Variants in TRPM2 observed in about 807,000 individuals in gnomAD.
TRPM2 encodes the protein transient receptor potential cation channel subfamily M member 2, also known as estrogen-responsive element-associated gene 1 protein.
Under a neutral mutation model 174.0 loss-of-function variants are expected in TRPM2, and 161 were observed. The ratio of observed to expected loss-of-function variants is 0.93; its 90% CI spans 0.81 to 1.05. The LOEUF (loss-of-function observed/expected upper bound fraction) is 1.05, where lower values mean the gene tolerates loss of function less well. TRPM2 is among the 50% of genes least tolerant of loss of function. The probability of loss-of-function intolerance (pLI) is 0.00; values close to 1 mark genes in which losing one functional copy is unlikely to be tolerated. For missense variants in TRPM2, 2,057 were observed against 2,038.0 expected, an observed-to-expected ratio of 1.01 and a Z score of -0.18; for synonymous variants, 954 against 861.3, an observed-to-expected ratio of 1.11 and a Z score of -1.88.
chr21:44,400,410 C>T lies in TRPM2; in HGVS notation c.2321+39C>T, dbSNP rs28612574. On this transcript the variant is annotated intron_variant, in intron 15 of 31. Transcript: ENST00000397928. ...GCGGGGCTGCGGGACTGTGGGGCTG[C>T]GGGGCTGCGGGAGAGGCTCCTGGGG... 85 of 1,550,738 alleles carry T rather than the reference C, an allele frequency of 5.5e-5. No homozygotes were observed. In the African/African-American group the frequency reaches 6.0e-4, roughly 11 times the overall value.
At chr21:44,394,380 C>T (rs919780541) in intron 11 of TRPM2, among the ~76,000 whole-genome samples, 19 of 135,272 alleles carry the variant, frequency 1.4e-4, no homozygotes, top group Admixed American at 7.4e-4. Context: ...AGTGTAGTGG[C>T]GCAATCTTGG....
At chr21:44,421,310 T>A (rs1357819526) in intron 22 of TRPM2, among the ~76,000 whole-genome samples, 1 of 150,122 alleles carries the variant, frequency 6.7e-6, no homozygotes, top group East Asian at 2.0e-4. Context: ...AGAGCAAGAC[T>A]CCACCTAAAA....
rs1189629495 is a variant in TRPM2, at chr21:44,366,249, G to A, written c.424-505G>A. Among the ~76,000 whole-genome samples, 3 of 150,388 alleles carry A rather than the reference G, an allele frequency of 2.0e-5. No homozygotes were observed. Among genetic ancestry groups the A allele is most frequent in the Non-Finnish European group, 2.9e-5 (2 of 67,838 alleles). On this transcript the variant is annotated intron_variant, in intron 3 of 31. Transcript: ENST00000397928. The surrounding 1 kb of genome is among the most constrained non-coding windows in gnomAD (Gnocchi z 6.0). ...GGCACAGGGGCCACAGAGCAGAGGG[G>A]ATAGGGCAGAGGGGACAGGAGAGGG...
chr21:44,379,137 G>A lies in TRPM2; in HGVS notation c.1155G>A (p.Val385=). 3 of 1,613,648 alleles carry A rather than the reference G, an allele frequency of 1.9e-6. No individual in the cohort carries two copies. Among genetic ancestry groups the A allele is most frequent in the Non-Finnish European group, 1.7e-6 (2 of 1,180,046 alleles). Residue 385 remains valine, a synonymous_variant, in exon 8 of 32, where the codon GTG becomes GTA. Coordinates refer to ENST00000397928, the MANE Select transcript of TRPM2 (RefSeq NM_003307.4). ...TISLIQQKLS[V]FFQEMFETFT... ...CCCTGATCCAGCAGAAACTGAGCGT[G>A]TTCTTCCAGGAGATGTTTGAGACCT...
At chr21:44,426,168 G>A (rs190378630) in intron 25 of TRPM2, among the ~76,000 whole-genome samples, 125 of 111,350 alleles carry the variant, frequency 1.1e-3, no homozygotes, top group African/African-American at 4.0e-3. Context: ...CACCCACCCC[G>A]GTGAATGGCT....
chr21:44,385,133 G>A (rs560110544), intron 9 of TRPM2, among the ~76,000 whole-genome samples: 1 of 152,276 alleles, frequency 6.6e-6, no homozygotes, highest in South Asian at 2.1e-4. Flanking sequence ...TTCAACATAT[G>A]AAAATTAATC....
At chr21:44,378,430 G>A (rs1427485000) in intron 7 of TRPM2, among the ~76,000 whole-genome samples, 1 of 152,194 alleles carries the variant, frequency 6.6e-6, no homozygotes, top group Admixed American at 6.5e-5. Context: ...AGAGCCTTGG[G>A]GGCTTGAGGC....
At chr21:44,419,972 G>A (rs1291562396) in intron 22 of TRPM2, among the ~76,000 whole-genome samples, 1 of 151,986 alleles carries the variant, frequency 6.6e-6, no homozygotes, top group Non-Finnish European at 1.5e-5. Flanking sequence ...GGTGGATGTG[G>A]TGGTGGTGAT....
intron 22 of TRPM2, among the ~76,000 whole-genome samples, chr21:44,422,677 C>G (rs910377722): frequency 7.9e-5 from 12 of 152,286 alleles, no homozygotes; most frequent in South Asian, 2.1e-4. Flanking sequence ...CGGGTTTGCC[C>G]ACAGAGTTAT....
rs1314720829 is a variant in TRPM2, at chr21:44,439,407, C to T, written c.4269+239C>T. On this transcript the variant is annotated intron_variant, in intron 30 of 31. Coordinates refer to ENST00000397928, the MANE Select transcript of TRPM2 (RefSeq NM_003307.4). The surrounding 1 kb of genome is among the most constrained non-coding windows in gnomAD (Gnocchi z 5.1). ...GCCCTCCCTCTCTGTTCCATTTTCT[C>T]CTCTCTAAATCAAGGGGGATGGGCT... Among the ~76,000 whole-genome samples, 4 of 152,166 alleles carry T rather than the reference C, an allele frequency of 2.6e-5. No individual in the cohort carries two copies. Among genetic ancestry groups the T allele is most frequent in the Non-Finnish European group, 4.4e-5 (3 of 68,024 alleles).
chr21:44,389,872 A>ATT (rs1569049550), intron 9 of TRPM2, among the ~76,000 whole-genome samples: 2 of 129,864 alleles, frequency 1.5e-5, no homozygotes, highest in African/African-American at 7.2e-5. Context: ...GGAGGCTTAA[A>ATT]ATTTTTTTTT....
chr21:44,431,708 C>T (rs1466720339), intron 27 of TRPM2, among the ~76,000 whole-genome samples: 1 of 152,196 alleles, frequency 6.6e-6, no homozygotes, highest in Non-Finnish European at 1.5e-5. Context: ...GAACTCCTGA[C>T]CTCGTGATCC....
rs1569094925 is a variant in TRPM2 at position 44,418,093 on chromosome 21, A to T, written c.3313A>T (p.Arg1105Trp). 1.2e-6 allele frequency: 2 copies of T among 1,611,554 alleles called. No homozygotes were observed. Among genetic ancestry groups the T allele is most frequent in the Admixed American group, 3.3e-5 (2 of 59,966 alleles). Residue 1105 changes from arginine (R) to tryptophan (W), a missense_variant, in exon 21 of 32, where the codon AGG (arginine) becomes TGG (tryptophan). Arg to Trp is a moderately radical substitution (Grantham distance 101). Transcript: ENST00000397928. ...KRVVLKTPAKRHKQLKNKLEK... is the reference protein window; with the variant it reads ...KRVVLKTPAKWHKQLKNKLEK... ...GGTGGTCCTGAAGACTCCGGCCAAGAGGCACAAGCAGCTCAGTATGCCAGC... is the reference window on the plus strand; with the variant it reads ...GGTGGTCCTGAAGACTCCGGCCAAGTGGCACAAGCAGCTCAGTATGCCAGC...
rs113603634 is a variant in TRPM2 at position 44,410,309 on chromosome 21, C to T, written c.2962+3544C>T. 9.5e-3 allele frequency among the ~76,000 whole-genome samples: 376 copies of T among 39,594 alleles called. 1 individual carries two copies. The highest frequency in any genetic ancestry group is 0.025 in the African/African-American group (307 of 12,426). The allele number at this position is 39,594 out of a possible 152,430, so 26.0% of individuals were successfully genotyped here. On this transcript the variant is annotated intron_variant, in intron 19 of 31. Coordinates refer to ENST00000397928, the MANE Select transcript of TRPM2 (RefSeq NM_003307.4). ...GTAAGTTTTGACTGCACTGTCTTGG[C>T]GTAGCCTTGTAGTAAGTTTTGACCA...
chr21:44,435,811 A>G (rs1473647498), intron 28 of TRPM2, among the ~76,000 whole-genome samples: 1 of 116,654 alleles, frequency 8.6e-6, no homozygotes, highest in Non-Finnish European at 1.8e-5. Flanking sequence ...CTCACTCTCC[A>G]CACCCATCCA....
At chr21:44,406,207 G>A (rs529549440) in intron 18 of TRPM2, among the ~76,000 whole-genome samples, 170 bp downstream of exon 18, 4 of 152,102 alleles carry the variant, frequency 2.6e-5, no homozygotes, top group Non-Finnish European at 5.9e-5. Flanking sequence ...ATCTTTGCCT[G>A]TACGTCACCT....
chr21:44,366,671 C>T lies in TRPM2; in HGVS notation c.424-83C>T. The T allele has an allele frequency of 6.3e-7, 1 of 1,590,622 alleles. No individual in the cohort carries two copies. ...GTGCGGTGTCTGCCGCCCGCTGGGG[C>T]CTCTCTGCATGGCCTGTGTGGGTCG... On this transcript the variant is annotated intron_variant, in intron 3 of 31. Coordinates refer to ENST00000397928, the MANE Select transcript of TRPM2 (RefSeq NM_003307.4). The surrounding 1 kb of genome is among the most constrained non-coding windows in gnomAD (Gnocchi z 6.0).
In TRPM2 at chr21:44,439,191, G is replaced by C; in HGVS notation, c.4269+23G>C. 1 of 1,603,564 alleles carries C rather than the reference G, an allele frequency of 6.2e-7. No homozygotes were observed. Among genetic ancestry groups the C allele is most frequent in the Non-Finnish European group, 8.5e-7 (1 of 1,171,272 alleles). ...GAGGTATTCCTGGCCTGTTTGCTCTGTTCCACCTGTGTGTCCCCAGGGCTG... is the reference window on the plus strand; with the variant it reads ...GAGGTATTCCTGGCCTGTTTGCTCTCTTCCACCTGTGTGTCCCCAGGGCTG... On this transcript the variant is annotated intron_variant, in intron 30 of 31. Coordinates refer to ENST00000397928, the MANE Select transcript of TRPM2 (RefSeq NM_003307.4). This position sits in a 1 kb window ranked among gnomAD's most constrained non-coding sequence, Gnocchi z 5.1.
intron 16 of TRPM2, among the ~76,000 whole-genome samples, chr21:44,403,932 CAA>C (rs1210130382): frequency 6.7e-6 from 1 of 148,448 alleles, no homozygotes; most frequent in Non-Finnish European, 1.5e-5. Flanking sequence ...CACATGTACA[CAA>C]TATACACATA....
Sources: gnomAD v4.1 joint callset for allele counts (sites outside exome capture counted in the v4.1 genomes callset) on GRCh38, gnomAD v4.1.1 for gene constraint, Gnocchi (gnomAD v3.1) non-coding constraint, MANE v1.5 for transcripts, NCBI Gene and HGNC (gene_info 2026-07-23, HGNC 2026-07-21) for gene names.